The following CDH12 variants were observed in gnomAD, a reference collection of about 807,000 sequenced individuals.
CDH12 encodes the protein cadherin-12.
Under a neutral mutation model 74.1 loss-of-function variants are expected in CDH12, and 41 were observed. That is an observed-to-expected ratio of 0.55 (90% CI 0.43 to 0.72). CDH12 has a LOEUF of 0.72. Among genes scored for constraint, CDH12 ranks in the 30% least tolerant of loss-of-function variants. The probability of loss-of-function intolerance (pLI) is 0.00; values close to 1 mark genes in which losing one functional copy is unlikely to be tolerated. For missense variants in CDH12, 945 were observed against 977.2 expected (o/e 0.97, Z 0.44); for synonymous variants, 399 against 355.0 (o/e 1.12, Z -1.39).
At chr5:22,429,295 C>T (rs1599798) in intron 2 of CDH12, among the ~76,000 whole-genome samples, 22,349 of 151,768 alleles carry the variant, frequency 0.15, 1,735 homozygotes, top group Middle Eastern at 0.22. Context: ...CCACTTCTGG[C>T]TACTTTTGTT....
At position 22,649,721 on chromosome 5, in the gene CDH12, AG is replaced by A. The variant is rs573027095; in HGVS notation, c.-522-144358del. Among the ~76,000 whole-genome samples the A allele has an allele frequency of 8.2e-4, 125 of 152,156 alleles. No individual in the cohort carries two copies. In the South Asian group the frequency reaches 0.022, roughly 26 times the overall value. On this transcript the variant is annotated intron_variant, in intron 1 of 14. Coordinates refer to ENST00000382254, the MANE Select transcript of CDH12 (RefSeq NM_004061.5). ...CTGGCATACACTTTGCATTGCTAAT[AG>A]TATGAGTTTTCTATAATCGCTTCAG...
At chr5:22,738,083 G>A (rs1489971550) in intron 1 of CDH12, among the ~76,000 whole-genome samples, 1 of 152,010 alleles carries the variant, frequency 6.6e-6, no homozygotes, top group Non-Finnish European at 1.5e-5. Flanking sequence ...CCCAGTCAGA[G>A]TTGATAATAT....
chr5:21,843,638 C>T (rs1037712788), intron 7 of CDH12, among the ~76,000 whole-genome samples: 12 of 151,970 alleles, frequency 7.9e-5, no homozygotes, highest in Non-Finnish European at 1.5e-4. Flanking sequence ...CATCAGCCTC[C>T]GGAGTAGCTG....
chr5:22,069,750 A>G (rs774296491), intron 5 of CDH12, among the ~76,000 whole-genome samples: 2 of 152,194 alleles, frequency 1.3e-5, no homozygotes, highest in Non-Finnish European at 2.9e-5. Context: ...TTGACACCCC[A>G]CAATGGATGC....
chr5:21,923,431 A>G (rs1010342552), intron 6 of CDH12, among the ~76,000 whole-genome samples: 1 of 152,142 alleles, frequency 6.6e-6, no homozygotes, highest in Non-Finnish European at 1.5e-5. Flanking sequence ...GATCTTTCCC[A>G]TATTTACAAC....
intron 1 of CDH12, among the ~76,000 whole-genome samples, chr5:22,834,055 C>T (rs1222324013): frequency 6.6e-6 from 1 of 152,164 alleles, no homozygotes; most frequent in Middle Eastern, 3.2e-3. Flanking sequence ...AGTGAATAAT[C>T]CTTGACCTTC....
At chr5:22,372,258 AAG>A (rs990497036) in intron 3 of CDH12, among the ~76,000 whole-genome samples, 16 of 152,098 alleles carry the variant, frequency 1.1e-4, no homozygotes, top group South Asian at 4.1e-4. Flanking sequence ...TAGATCATCT[AAG>A]AGAGAGAGCA....
intron 2 of CDH12, among the ~76,000 whole-genome samples, chr5:22,501,084 G>GA (rs981656558): frequency 2.9e-4 from 42 of 145,288 alleles, no homozygotes; most frequent in Middle Eastern, 3.7e-3. Flanking sequence ...AAGGCAGAAA[G>GA]AAAAAAAAAA....
Position 21,817,119 on chromosome 5 carries a change from C to A in CDH12, c.828G>T (p.Leu276Phe). The A allele has an allele frequency of 6.2e-7, 1 of 1,608,368 alleles. No individual in the cohort carries two copies. The highest frequency in any genetic ancestry group is 8.5e-7 in the Non-Finnish European group (1 of 1,177,238). ...PPRFPKSIFH[L>F]KVPESSPIGS... Reference sequence around the variant, plus strand: ...CAATAGGGGAAGACTCAGGAACTTTCAAGTGGAAGATGCCTGATAAGACAT... The same window carrying A: ...CAATAGGGGAAGACTCAGGAACTTTAAAGTGGAAGATGCCTGATAAGACAT... The change falls in exon 9 of 15, where the codon TTG becomes TTT. Residue 276 changes from leucine to phenylalanine, a missense_variant. Transcript: ENST00000382254.
chr5:22,446,220 C>T (rs1005135512), intron 2 of CDH12, among the ~76,000 whole-genome samples: 1 of 152,108 alleles, frequency 6.6e-6, no homozygotes, highest in Non-Finnish European at 1.5e-5. Flanking sequence ...CACACCAAAG[C>T]TGCTCTCTCT....
chr5:22,724,008 T>C (rs543823651), intron 1 of CDH12, among the ~76,000 whole-genome samples: 1 of 151,700 alleles, frequency 6.6e-6, no homozygotes, highest in Non-Finnish European at 1.5e-5. Flanking sequence ...AGTTTTACAA[T>C]TGAGCAAACT....
chr5:22,313,854 G>T (rs547522985), intron 3 of CDH12, among the ~76,000 whole-genome samples: 1 of 152,064 alleles, frequency 6.6e-6, no homozygotes, highest in East Asian at 1.9e-4. Flanking sequence ...AAAAATCTAC[G>T]CATTAGGTAC....
intron 4 of CDH12, among the ~76,000 whole-genome samples, chr5:22,148,741 C>G (rs1747373372): frequency 1.3e-5 from 2 of 152,168 alleles, no homozygotes; most frequent in African/African-American, 2.4e-5. Flanking sequence ...AATCCAATCT[C>G]CAACTCTGTC....
At chr5:22,258,932 G>A (rs1263961430) in intron 3 of CDH12, among the ~76,000 whole-genome samples, 3 of 152,110 alleles carry the variant, frequency 2.0e-5, no homozygotes, top group Non-Finnish European at 2.9e-5. Flanking sequence ...GGAATTAAGT[G>A]ATTCATGATT....
Position 22,733,495 on chromosome 5 carries a change from C to T in CDH12, c.-523+119563G>A, listed in dbSNP as rs1744536606. On this transcript the variant is annotated intron_variant, in intron 1 of 14. Transcript: ENST00000382254. Reference sequence around the variant, plus strand: ...TTATGTGTCATACTGTGATTCATTTCTCCCACCAAGTTTTCTTCTTTTAAC... The same window carrying T: ...TTATGTGTCATACTGTGATTCATTTTTCCCACCAAGTTTTCTTCTTTTAAC... 2.0e-5 allele frequency among the ~76,000 whole-genome samples: 3 copies of T among 147,460 alleles called. No individual in the cohort carries two copies. In the East Asian group the frequency reaches 6.0e-4, roughly 30 times the overall value.
chr5:22,663,420 G>T (rs572449152), intron 1 of CDH12, among the ~76,000 whole-genome samples: 1 of 152,168 alleles, frequency 6.6e-6, no homozygotes, highest in Admixed American at 6.5e-5. Flanking sequence ...ACCGTTTATA[G>T]CCTAAAAACC....
chr5:22,083,759 T>C (rs987804375), intron 4 of CDH12, among the ~76,000 whole-genome samples: 1 of 152,108 alleles, frequency 6.6e-6, no homozygotes, highest in East Asian at 1.9e-4. Flanking sequence ...GAGCTCATAC[T>C]CTTGGATCCT....
At chr5:22,065,767 C>T (rs1440741908) in intron 5 of CDH12, among the ~76,000 whole-genome samples, 1 of 152,092 alleles carries the variant, frequency 6.6e-6, no homozygotes, top group Admixed American at 6.6e-5. Context: ...ATAGGAATCA[C>T]TGGATCCTGG....
At chr5:22,733,554 G>A (rs1028151108) in intron 1 of CDH12, among the ~76,000 whole-genome samples, 1 of 150,412 alleles carries the variant, frequency 6.6e-6, no homozygotes, top group African/African-American at 2.4e-5. Context: ...ATTTATATGC[G>A]CCCATGATGT....
Sources: allele counts gnomAD v4.1 joint callset (sites outside exome capture counted in the v4.1 genomes callset), GRCh38; gene constraint gnomAD v4.1.1; transcripts MANE v1.5; gene names NCBI Gene and HGNC (gene_info 2026-07-23, HGNC 2026-07-21).